ATP6V0A4: variants seen among roughly 807,000 people sequenced by gnomAD.
The protein encoded by ATP6V0A4 is V-type proton ATPase 116 kDa subunit a 4.
In ATP6V0A4, 86 loss-of-function variants were observed where a neutral mutation model predicts 107.3. The ratio of observed to expected loss-of-function variants is 0.80; its 90% CI spans 0.67 to 0.96. The LOEUF (loss-of-function observed/expected upper bound fraction) is 0.96. ATP6V0A4 is among the 40% of genes least tolerant of loss of function. The probability of loss-of-function intolerance (pLI) is 0.00; values close to 1 mark genes in which losing one functional copy is unlikely to be tolerated. For synonymous variants in ATP6V0A4, 353 were observed against 381.4 expected, an observed-to-expected ratio of 0.93 and a Z score of 0.87; for missense variants, 908 against 1,045.6, an observed-to-expected ratio of 0.87 and a Z score of 1.81.
chr7:138,769,278 A>G (rs899458930), intron 3 of ATP6V0A4, 27 bp from the exon 4 acceptor site: 16 of 1,601,948 alleles, frequency 1.0e-5, no homozygotes, highest in African/African-American at 2.7e-5. Flanking sequence ...CACAAGATAC[A>G]TGTTAGTAGC....
chr7:138,714,333 G>A (rs1055964036), intron 20 of ATP6V0A4, among the ~76,000 whole-genome samples: 4 of 151,904 alleles, frequency 2.6e-5, no homozygotes, highest in Non-Finnish European at 5.9e-5. Context: ...AAACAAGACT[G>A]GAGAAGGACC....
chr7:138,757,713 A>C (rs1806582431), intron 8 of ATP6V0A4, among the ~76,000 whole-genome samples: 1 of 152,214 alleles, frequency 6.6e-6, no homozygotes, highest in Non-Finnish European at 1.5e-5. Flanking sequence ...CTTGTTTATT[A>C]TGAAAGTAAT....
chr7:138,722,252 C>A (rs187482410), intron 18 of ATP6V0A4, among the ~76,000 whole-genome samples: 1 of 151,894 alleles, frequency 6.6e-6, no homozygotes, highest in African/African-American at 2.4e-5. Flanking sequence ...GAAATGTGCC[C>A]GGGAGGCACA....
Position 138,762,350 on chromosome 7 carries a change from C to A in ATP6V0A4, c.502G>T (p.Gly168Ter). The change falls in exon 7 of 22, where the codon GGA (glycine) becomes TGA (stop). Residue 168 changes from glycine (G) to a stop codon, truncating the protein, a stop_gained. Coordinates refer to ENST00000310018, the MANE Select transcript of ATP6V0A4 (RefSeq NM_020632.3). LOFTEE classifies it high-confidence loss of function. ...AAGAATTACACTAACCCCAACTTTCCGGTCATATATGCAGGCACTGCTTTC... is the reference window on the plus strand; with the variant it reads ...AAGAATTACACTAACCCCAACTTTCAGGTCATATATGCAGGCACTGCTTTC... Reference protein sequence around the residue: ...ELKAVPAYMTGKLGFIAGVIN... With the variant: ...ELKAVPAYMT 1 of 1,614,152 alleles carries A rather than the reference C, an allele frequency of 6.2e-7. No individual in the cohort carries two copies. Among genetic ancestry groups the A allele is most frequent in the Non-Finnish European group, 8.5e-7 (1 of 1,180,028 alleles).
chr7:138,742,805 T>C (rs1009114367), intron 14 of ATP6V0A4, among the ~76,000 whole-genome samples: 2 of 150,386 alleles, frequency 1.3e-5, no homozygotes, highest in African/African-American at 2.4e-5. Context: ...AGTTCTGGGA[T>C]CACAGGTGTG....
chr7:138,745,950 A>AG (rs1805908498), intron 13 of ATP6V0A4, among the ~76,000 whole-genome samples: 1 of 77,508 alleles, frequency 1.3e-5, no homozygotes, highest in Non-Finnish European at 2.3e-5. Context: ...TCTCAAAAAA[A>AG]AAAAAAAAAA....
intron 21 of ATP6V0A4, among the ~76,000 whole-genome samples, chr7:138,707,147 T>C (rs1251595629): frequency 1.1e-5 from 1 of 89,664 alleles, no homozygotes; most frequent in East Asian, 2.6e-4. Flanking sequence ...TCAATATTAA[T>C]ATATTAATAT....
At chr7:138,790,304 GTTT>G (rs1198705887) in intron 1 of ATP6V0A4, among the ~76,000 whole-genome samples, 1 of 152,038 alleles carries the variant, frequency 6.6e-6, no homozygotes, top group Non-Finnish European at 1.5e-5. Flanking sequence ...TGTTGCTGTT[GTTT>G]TTTTGAGATA....
chr7:138,709,368 G>A (rs1471985574), intron 21 of ATP6V0A4, among the ~76,000 whole-genome samples: 1 of 151,910 alleles, frequency 6.6e-6, no homozygotes, highest in Admixed American at 6.6e-5. Context: ...AAGGGAAGGA[G>A]TAAATGAGAA....
At chr7:138,722,682 C>T (rs1804481708) in intron 18 of ATP6V0A4, among the ~76,000 whole-genome samples, 1 of 123,694 alleles carries the variant, frequency 8.1e-6, no homozygotes, top group Admixed American at 1.0e-4. Flanking sequence ...GAGGTGGAGG[C>T]TGCGGTGAGC....
At chr7:138,785,862 A>T (rs1808155710) in intron 2 of ATP6V0A4, among the ~76,000 whole-genome samples, 1 of 152,210 alleles carries the variant, frequency 6.6e-6, no homozygotes, top group South Asian at 2.1e-4. Flanking sequence ...AACCAGGATC[A>T]TCCCTGCCAT....
At chr7:138,733,191 C>CT (rs777775084) in intron 16 of ATP6V0A4, 98 bp from the exon 17 acceptor site, 50,611 of 1,173,252 alleles carry the variant, frequency 0.043, 39 homozygotes, top group African/African-American at 0.048. Flanking sequence ...AATGTTCTAT[C>CT]TTTTTTTTTT....
chr7:138,728,880 C>T lies in ATP6V0A4; in HGVS notation c.1909-18G>A, dbSNP rs370517653. The T allele has an allele frequency of 4.2e-5, 67 of 1,613,800 alleles. No individual in the cohort carries two copies. Among genetic ancestry groups the T allele is most frequent in the African/African-American group, 6.7e-5 (5 of 74,910 alleles). On this transcript the variant is annotated intron_variant, in intron 17 of 21. Transcript: ENST00000310018. ...ACTTCTTGCTGCAAGACCAAAATGG[C>T]GAGATCTCATCATTTTCACATGGCA...
At chr7:138,752,872 C>A (rs772490019) in intron 10 of ATP6V0A4, 35 bp from the exon 11 acceptor site, 1 of 1,610,320 alleles carries the variant, frequency 6.2e-7, no homozygotes, top group South Asian at 1.1e-5. Flanking sequence ...AAACAGAGAA[C>A]CTTCACAGAG....
At chr7:138,716,317 G>A (rs1804028787) in intron 19 of ATP6V0A4, among the ~76,000 whole-genome samples, 1 of 152,172 alleles carries the variant, frequency 6.6e-6, no homozygotes, top group African/African-American at 2.4e-5. Context: ...ATAGAAGACA[G>A]TCCTCCTGTG....
chr7:138,767,732 T>G (rs992767795), intron 5 of ATP6V0A4, among the ~76,000 whole-genome samples: 1 of 151,836 alleles, frequency 6.6e-6, no homozygotes, highest in African/African-American at 2.4e-5. Context: ...GCTGTTCCAC[T>G]GCCGAGGATA....
At chr7:138,720,182 C>T (rs1045897755) in intron 19 of ATP6V0A4, among the ~76,000 whole-genome samples, 1 of 152,128 alleles carries the variant, frequency 6.6e-6, no homozygotes, top group East Asian at 1.9e-4. Flanking sequence ...TGGGATCAGT[C>T]TTGGGCAGAT....
intron 2 of ATP6V0A4, among the ~76,000 whole-genome samples, chr7:138,780,836 T>C (rs76261475): frequency 2.0e-5 from 3 of 151,792 alleles, no homozygotes; most frequent in Admixed American, 6.6e-5. Context: ...TCCCAGGAGG[T>C]TGAGACTGCT....
At chr7:138,762,236 A>T (rs570861807) in intron 7 of ATP6V0A4, 104 bp downstream of exon 7, 1 of 1,419,760 alleles carries the variant, frequency 7.0e-7, no homozygotes, top group Admixed American at 1.7e-5. Context: ...CATCCATGGG[A>T]AACAGTCCCC....
Sources: allele counts gnomAD v4.1 joint callset (sites outside exome capture counted in the v4.1 genomes callset), GRCh38; gene constraint gnomAD v4.1.1; transcripts MANE v1.5; gene names NCBI Gene and HGNC (gene_info 2026-07-23, HGNC 2026-07-21).